NEGR1: variants seen among roughly 807,000 people sequenced by gnomAD.
NEGR1 encodes IgLON family member 4.
In NEGR1, 10 loss-of-function variants were observed where a neutral mutation model predicts 40.9. The observed-to-expected ratio is 0.24, with a 90% CI of 0.15 to 0.42. The LOEUF is 0.42. Among genes scored for constraint, NEGR1 ranks in the 10% least tolerant of loss-of-function variants. The pLI is 1.00. For synonymous variants in NEGR1, 185 were observed against 166.8 expected, an observed-to-expected ratio of 1.11 and a Z score of -0.84; for missense variants, 352 against 438.9, an observed-to-expected ratio of 0.80 and a Z score of 1.77.
intron 2 of NEGR1, among the ~76,000 whole-genome samples, chr1:71,899,302 A>G (rs2101861304): frequency 6.6e-6 from 1 of 151,950 alleles, no homozygotes; most frequent in South Asian, 2.1e-4. Flanking sequence ...GTGGCACTAA[A>G]CTCTGAATTT....
intron 5 of NEGR1, among the ~76,000 whole-genome samples, chr1:71,601,257 C>A (rs1373979236): frequency 6.6e-6 from 1 of 152,092 alleles, no homozygotes; most frequent in African/African-American, 2.4e-5. Context: ...CAAATTAAAA[C>A]CACAATGAAA....
chr1:72,237,479 T>C (rs1400488392), intron 1 of NEGR1, among the ~76,000 whole-genome samples: 2 of 152,058 alleles, frequency 1.3e-5, no homozygotes, highest in East Asian at 1.9e-4. Context: ...TCGTAGGCCA[T>C]TACTTCTCCC....
intron 2 of NEGR1, among the ~76,000 whole-genome samples, chr1:71,799,071 T>G (rs1203162136): frequency 6.6e-6 from 1 of 151,828 alleles, no homozygotes; most frequent in Non-Finnish European, 1.5e-5. Context: ...TTATACTAAG[T>G]TCTGGGATAC....
chr1:72,207,410 A>G (rs905692748), intron 1 of NEGR1, among the ~76,000 whole-genome samples: 9 of 151,850 alleles, frequency 5.9e-5, no homozygotes, highest in African/African-American at 2.2e-4. Context: ...ATTAAAATAA[A>G]AAATGAAAGT....
intron 6 of NEGR1, among the ~76,000 whole-genome samples, chr1:71,534,657 T>C (rs1647459229): frequency 6.6e-6 from 1 of 151,752 alleles, no homozygotes; most frequent in Admixed American, 6.6e-5. Flanking sequence ...TGTATTAGAC[T>C]ACTTAACGAT....
chr1:71,673,459 T>C (rs1401357262), intron 4 of NEGR1, among the ~76,000 whole-genome samples: 8 of 58,106 alleles, frequency 1.4e-4, no homozygotes. Context: ...ACTTGGTTCC[T>C]GCTTTTATGG....
intron 1 of NEGR1, among the ~76,000 whole-genome samples, chr1:72,107,561 A>G (rs1053816042): frequency 6.6e-6 from 1 of 151,682 alleles, no homozygotes; most frequent in East Asian, 1.9e-4. Flanking sequence ...AAGATGTCAC[A>G]TCTATTGTGC....
intron 6 of NEGR1, among the ~76,000 whole-genome samples, chr1:71,427,960 A>G (rs746939827): frequency 4.0e-5 from 6 of 150,792 alleles, no homozygotes; most frequent in Non-Finnish European, 8.8e-5. Flanking sequence ...GGAGCTATGC[A>G]CCTGCACATA....
chr1:72,247,021 A>C (rs1159457067), intron 1 of NEGR1, among the ~76,000 whole-genome samples: 1 of 152,208 alleles, frequency 6.6e-6, no homozygotes, highest in Non-Finnish European at 1.5e-5. Context: ...CGTGGATAGA[A>C]TGGGAATAGC....
At chr1:71,872,248 G>T (rs1660299786) in intron 2 of NEGR1, among the ~76,000 whole-genome samples, 2 of 152,166 alleles carry the variant, frequency 1.3e-5, no homozygotes, top group Non-Finnish European at 1.5e-5. Context: ...CACCTAAGTG[G>T]TAGACTATGA....
intron 2 of NEGR1, among the ~76,000 whole-genome samples, chr1:71,879,360 C>A (rs932576253): frequency 3.9e-5 from 6 of 152,088 alleles, no homozygotes; most frequent in Non-Finnish European, 8.8e-5. Flanking sequence ...TAGTGGCCTG[C>A]AGATAATTTG....
chr1:71,882,871 G>C (rs972394149), intron 2 of NEGR1, among the ~76,000 whole-genome samples: 4 of 152,030 alleles, frequency 2.6e-5, no homozygotes, highest in African/African-American at 9.7e-5. Flanking sequence ...GCCTTCTGAA[G>C]CTCTGCTATT....
At chr1:71,824,605 T>C (rs2101781723) in intron 2 of NEGR1, among the ~76,000 whole-genome samples, 1 of 152,074 alleles carries the variant, frequency 6.6e-6, no homozygotes. Flanking sequence ...CTGTAAACTA[T>C]TGTGTAATCA....
At position 71,407,530 on chromosome 1, in the gene NEGR1, A is replaced by G; in HGVS notation, c.981T>C (p.Asp327=). ...TAQYGITGSA[D]VLFSCWYLVL... Reference sequence around the variant, plus strand: ...CAAGGTACCAGCAGGAGAAAAGAACATCAGCGCTCCCGGTAATTCCATACT... The same window carrying G: ...CAAGGTACCAGCAGGAGAAAAGAACGTCAGCGCTCCCGGTAATTCCATACT... The change falls in exon 7 of 7, where the codon GAT becomes GAC. Residue 327 remains aspartate, a synonymous_variant. Transcript: ENST00000357731. 1 of 1,612,382 alleles carries G rather than the reference A, an allele frequency of 6.2e-7. No homozygotes were observed. Among genetic ancestry groups the G allele is most frequent in the Non-Finnish European group, 8.5e-7 (1 of 1,178,578 alleles).
intron 2 of NEGR1, among the ~76,000 whole-genome samples, chr1:71,911,776 C>T (rs905913123): frequency 2.8e-4 from 42 of 152,072 alleles, no homozygotes; most frequent in African/African-American, 1.0e-3. Flanking sequence ...GATAGAAGAT[C>T]GACTGAACAG....
chr1:72,105,027 G>T (rs1649083295), intron 1 of NEGR1, among the ~76,000 whole-genome samples: 1 of 152,056 alleles, frequency 6.6e-6, no homozygotes, highest in African/African-American at 2.4e-5. Context: ...AGGAAAGTTT[G>T]TTGGAAGACT....
rs147775819 is a variant in NEGR1, at chr1:71,429,727, G to T, written c.941-22157C>A. On this transcript the variant is annotated intron_variant, in intron 6 of 6. Coordinates refer to ENST00000357731, the MANE Select transcript of NEGR1 (RefSeq NM_173808.3). ...GAAGGCCCTTCCACTTTTAAAAATC[G>T]CTGTTTTGTGATACTTAACATTTTC... Among the ~76,000 whole-genome samples, 4 of 152,260 alleles carry T rather than the reference G, an allele frequency of 2.6e-5. No individual in the cohort carries two copies. In the East Asian group the frequency reaches 5.8e-4, roughly 22 times the overall value.
chr1:71,846,172 T>C (rs1406405811), intron 2 of NEGR1, among the ~76,000 whole-genome samples: 2 of 152,062 alleles, frequency 1.3e-5, no homozygotes, highest in African/African-American at 2.4e-5. Flanking sequence ...TCTAGGGCTG[T>C]CCTCTGAAGT....
intron 2 of NEGR1, among the ~76,000 whole-genome samples, chr1:71,886,476 G>A (rs1196546182): frequency 6.6e-6 from 1 of 151,002 alleles, no homozygotes; most frequent in Non-Finnish European, 1.5e-5. Context: ...AAAAACAAAG[G>A]AAGGAAGGGA....
Sources: gnomAD v4.1 joint callset for allele counts (sites outside exome capture counted in the v4.1 genomes callset) on GRCh38, gnomAD v4.1.1 for gene constraint, MANE v1.5 for transcripts, NCBI Gene and HGNC (gene_info 2026-07-23, HGNC 2026-07-21) for gene names.